MTAP: variants seen among roughly 807,000 people sequenced by gnomAD.
MTAP encodes the protein methylthioadenosine phosphorylase, also known as S-methyl-5'-thioadenosine phosphorylase.
MTAP carries 33 observed loss-of-function variants against 33.6 expected under a neutral mutation model. The ratio of observed to expected loss-of-function variants is 0.98; its 90% CI spans 0.74 to 1.31. MTAP has a LOEUF of 1.31. Ranked by LOEUF, MTAP falls within the 40% of genes most tolerant of loss-of-function variation. The probability of loss-of-function intolerance (pLI) is 0.00; values close to 1 mark genes in which losing one functional copy is unlikely to be tolerated. For missense variants in MTAP, 367 were observed against 360.0 expected (o/e 1.02, Z -0.16); for synonymous variants, 148 against 125.7 (o/e 1.18, Z -1.19).
At chr9:21,846,019 G>A (rs1249211716) in intron 5 of MTAP, among the ~76,000 whole-genome samples, 5 of 152,148 alleles carry the variant, frequency 3.3e-5, no homozygotes, top group Admixed American at 2.6e-4. Flanking sequence ...CTGAGGAAAG[G>A]ACACCCTATT....
At chr9:21,825,741 T>C (rs978540146) in intron 4 of MTAP, among the ~76,000 whole-genome samples, 1 of 152,194 alleles carries the variant, frequency 6.6e-6, no homozygotes, top group African/African-American at 2.4e-5. Flanking sequence ...CTTAAGAGAC[T>C]GAGGTGGGAG....
intron 4 of MTAP, among the ~76,000 whole-genome samples, chr9:21,827,834 G>A (rs1824861641): frequency 6.6e-6 from 1 of 152,138 alleles, no homozygotes; most frequent in African/African-American, 2.4e-5. Flanking sequence ...TGTGTTTGGA[G>A]GTAATAGTTT....
At chr9:21,909,365 A>G (rs1421034853) in intron 1 of MTAP, among the ~76,000 whole-genome samples, 1 of 152,116 alleles carries the variant, frequency 6.6e-6, no homozygotes, top group Non-Finnish European at 1.5e-5. Context: ...GAAATATCCA[A>G]TGTTGAAAGA....
chr9:21,912,679 C>G (rs1453264974), intron 1 of MTAP, among the ~76,000 whole-genome samples: 1 of 152,186 alleles, frequency 6.6e-6, no homozygotes, highest in South Asian at 2.1e-4. Flanking sequence ...CAGTATCATA[C>G]TGAATGGGCA....
rs747933876 is a variant in MTAP, at chr9:21,818,186, G to T, written c.331G>T (p.Asp111Tyr). 2.5e-6 allele frequency: 4 copies of T among 1,613,868 alleles called. No homozygotes were observed. In the African/African-American group the frequency reaches 5.3e-5, roughly 22 times the overall value. ...EIQPGDIVII[D>Y]QFIDRTTMRP... ...TCAGCCCGGCGATATTGTCATTATT[G>T]ATCAGTTCATTGACAGGTAAGCAGT... Residue 111 changes from aspartate to tyrosine, a missense_variant, in exon 4 of 8, where the codon GAT becomes TAT. Physicochemically the swap from Asp to Tyr is radical, Grantham distance 160. Coordinates refer to ENST00000644715, the MANE Select transcript of MTAP (RefSeq NM_002451.4).
At chr9:21,845,121 A>T (rs1415468071) in intron 5 of MTAP, among the ~76,000 whole-genome samples, 1 of 152,190 alleles carries the variant, frequency 6.6e-6, no homozygotes, top group Non-Finnish European at 1.5e-5. Context: ...GAGAACTGAA[A>T]CAAGACAAGA....
intron 4 of MTAP, among the ~76,000 whole-genome samples, chr9:21,826,120 A>T (rs937958744): frequency 6.6e-6 from 1 of 151,812 alleles, no homozygotes; most frequent in Non-Finnish European, 1.5e-5. Context: ...ATTTTTAAAC[A>T]TATACACAAA....
chr9:21,884,791 C>G (rs1818081648), intron 1 of MTAP, among the ~76,000 whole-genome samples: 1 of 152,234 alleles, frequency 6.6e-6, no homozygotes, highest in African/African-American at 2.4e-5. Flanking sequence ...GTTAGGGTTT[C>G]AACATATGAA....
chr9:21,923,552 C>T (rs1818821213), intron 1 of MTAP, among the ~76,000 whole-genome samples: 1 of 152,172 alleles, frequency 6.6e-6, no homozygotes, highest in Non-Finnish European at 1.5e-5. Flanking sequence ...CGTCAGTATT[C>T]CTCATGCTTC....
chr9:21,861,610 A>G, intron 7 of MTAP: 1 of 207,318 alleles, frequency 4.8e-6, no homozygotes, highest in South Asian at 1.0e-4. Flanking sequence ...TGGTGTTTGG[A>G]GATATAGACA....
intron 1 of MTAP, among the ~76,000 whole-genome samples, chr9:21,928,113 T>C (rs753634850): frequency 3.7e-4 from 56 of 152,256 alleles, no homozygotes; most frequent in Middle Eastern, 3.4e-3. Context: ...AAGAAATAGA[T>C]TGGGCCATCC....
chr9:21,820,326 G>A (rs898704574), intron 4 of MTAP, among the ~76,000 whole-genome samples: 6 of 152,154 alleles, frequency 3.9e-5, no homozygotes, highest in Admixed American at 2.0e-4. Flanking sequence ...TGTATAAGGT[G>A]TAAAGAAAGG....
chr9:21,808,362 A>G (rs1824259415), intron 1 of MTAP, among the ~76,000 whole-genome samples: 1 of 151,900 alleles, frequency 6.6e-6, no homozygotes, highest in Non-Finnish European at 1.5e-5. Context: ...AGGTGGATAG[A>G]CTGCTTGAGC....
chr9:21,926,561 A>G (rs951154089), intron 1 of MTAP, among the ~76,000 whole-genome samples: 2 of 152,144 alleles, frequency 1.3e-5, no homozygotes, highest in Non-Finnish European at 2.9e-5. Flanking sequence ...TGAATTGGGG[A>G]ATGAAAAAGG....
intron 1 of MTAP, among the ~76,000 whole-genome samples, chr9:21,918,143 G>T (rs1295936866): frequency 7.7e-6 from 1 of 129,726 alleles, no homozygotes; most frequent in Non-Finnish European, 1.5e-5. Context: ...GAGGTCAGGA[G>T]ATCGAGACCA....
chr9:21,838,056 TTGGGG>T, intron 5 of MTAP, 46 bp downstream of exon 5: 1 of 1,532,864 alleles, frequency 6.5e-7, no homozygotes, highest in Non-Finnish European at 9.0e-7. Flanking sequence ...TCATGTGGGC[TTGGGG>T]TGGCATCTGG....
Position 21,864,076 on chromosome 9 carries a change from T to C in MTAP, c.*2062T>C, listed in dbSNP as rs1052387842. 1 of 985,288 alleles carries C rather than the reference T, an allele frequency of 1.0e-6. No homozygotes were observed. The highest frequency in any genetic ancestry group is 1.7e-5 in the African/African-American group (1 of 57,232). The allele number at this position is 985,288 out of a possible 1,614,324, so 61.0% of individuals were successfully genotyped here. On this transcript the variant is annotated 3_prime_UTR_variant, in exon 8 of 8. Transcript: ENST00000644715. ...CTTACTTTTCCTCATTCTTAATAGG[T>C]GTCTAAGAATGTCAGGGCAAAAGTA...
chr9:21,829,426 T>TTG (rs1554643277), intron 4 of MTAP, among the ~76,000 whole-genome samples: 1 of 151,202 alleles, frequency 6.6e-6, no homozygotes, highest in East Asian at 1.9e-4. Flanking sequence ...TGTTTTTTTT[T>TTG]TTTGTTTGTT....
chr9:21,932,393 C>G (rs1171247199), downstream of MTAP: 1 of 152,110 alleles, frequency 6.6e-6, no homozygotes, highest in Non-Finnish European at 1.5e-5. Context: ...TAGATATAAA[C>G]AGTTTCCAGC....
Sources: gnomAD v4.1 joint callset for allele counts (sites outside exome capture counted in the v4.1 genomes callset) on GRCh38, gnomAD v4.1.1 for gene constraint, MANE v1.5 for transcripts, NCBI Gene and HGNC (gene_info 2026-07-23, HGNC 2026-07-21) for gene names.